PCLO: variants seen among roughly 807,000 people sequenced by gnomAD.
PCLO encodes the protein piccolo presynaptic cytomatrix protein.
PCLO carries 82 observed loss-of-function variants against 427.5 expected under a neutral mutation model. The observed-to-expected ratio is 0.19, with a 90% CI of 0.16 to 0.23. The LOEUF (loss-of-function observed/expected upper bound fraction) is 0.23, where lower values mean the gene tolerates loss of function less well. PCLO is among the 10% of genes least tolerant of loss of function. The pLI is 1.00. For missense variants in PCLO, 6,239 were observed against 6,115.9 expected (o/e 1.02, Z -0.67); for synonymous variants, 2,357 against 2,155.4 (o/e 1.09, Z -2.59).
Position 82,956,339 on chromosome 7 carries a change from A to G in PCLO, c.4614T>C (p.Ser1538=), listed in dbSNP as rs1318185039. The G allele has an allele frequency of 3.7e-6, 6 of 1,612,932 alleles. No homozygotes were observed. The African/African-American group carries it at 8.0e-5, about 22-fold the overall frequency. ...GGCTGTCTTCCTGTTTATACTCATC[A>G]CTGCTTGATGAGCCAACACTAGTTC... is the stretch of plus-strand genomic sequence containing the variant. ...KRRTSVGSSS[S]DEYKQEDSQG... The change falls in exon 5 of 25, where the codon AGT becomes AGC. Residue 1538 remains serine, a synonymous_variant. Coordinates refer to ENST00000333891, the MANE Select transcript of PCLO (RefSeq NM_033026.6).
At chr7:82,860,242 G>A (rs933368089) in intron 10 of PCLO, among the ~76,000 whole-genome samples, 5 of 151,750 alleles carry the variant, frequency 3.3e-5, no homozygotes, top group African/African-American at 1.2e-4. Flanking sequence ...GGGCCAAGCA[G>A]ATTTAACCCA....
intron 3 of PCLO, among the ~76,000 whole-genome samples, chr7:83,024,414 G>A (rs895005956): frequency 3.3e-5 from 5 of 152,186 alleles, no homozygotes; most frequent in South Asian, 2.1e-4. Context: ...AAAAAACGGC[G>A]CAGCACAAGA....
At chr7:82,891,748 G>A (rs1017590246) in intron 9 of PCLO, among the ~76,000 whole-genome samples, 6 of 151,960 alleles carry the variant, frequency 3.9e-5, no homozygotes, top group African/African-American at 7.2e-5. Flanking sequence ...ATCATGAAGC[G>A]CTGTTGAATT....
At chr7:82,762,761 T>G (rs528665157) in intron 22 of PCLO, among the ~76,000 whole-genome samples, 1 of 152,086 alleles carries the variant, frequency 6.6e-6, no homozygotes, top group South Asian at 2.1e-4. Context: ...CATGGCTTAA[T>G]AGAGGACAAC....
rs1161030427 is a variant in PCLO at position 83,037,989 on chromosome 7, TTATATATATATATATATATATA to T, written c.3301-71524_3301-71503del. Among the ~76,000 whole-genome samples, 27 of 13,596 alleles carry T rather than the reference TTATATATATATATATATATATA, an allele frequency of 2.0e-3. 5 individuals carry two copies. In the South Asian group the frequency reaches 0.061, roughly 31 times the overall value. 8.9% of individuals were successfully genotyped at this position (13,596 alleles called of 152,430 possible). A position where few individuals can be genotyped will look rare whatever the true frequency, so the allele number is the denominator to read the frequency against. ...GTTGTGTGGAGGTGTAAGGAGGAGCTTATATATATATATATATATATATATATATATATATATATATTTATAT... is the reference window on the plus strand; with the variant it reads ...GTTGTGTGGAGGTGTAAGGAGGAGCTTATATATATATATATATATTTATAT... On this transcript the variant is annotated intron_variant, in intron 3 of 24. Transcript: ENST00000333891.
At chr7:82,951,816 T>A in intron 5 of PCLO, 40 bp downstream of exon 5, 1 of 1,569,930 alleles carries the variant, frequency 6.4e-7, no homozygotes, top group African/African-American at 1.4e-5. Flanking sequence ...AACACCATAA[T>A]GATATTTCAA....
intron 9 of PCLO, among the ~76,000 whole-genome samples, chr7:82,892,951 T>C (rs1043821452): frequency 2.0e-5 from 3 of 152,122 alleles, no homozygotes; most frequent in East Asian, 3.9e-4. Flanking sequence ...TGTGGAGACA[T>C]AGGAACACTT....
intron 9 of PCLO, among the ~76,000 whole-genome samples, chr7:82,883,832 G>A (rs1469261887): frequency 1.3e-5 from 2 of 152,118 alleles, no homozygotes; most frequent in Non-Finnish European, 2.9e-5. Context: ...GTGCAGTGGT[G>A]CGATCTTGGC....
rs762277050 is a variant in PCLO at position 82,915,318 on chromosome 7, C to A, written c.12668G>T (p.Ser4223Ile). The change falls in exon 7 of 25, where the codon AGC (serine) becomes ATC (isoleucine). Residue 4223 changes from serine (S) to isoleucine (I), a missense_variant. Ser to Ile is a moderately radical substitution (Grantham distance 142). Coordinates refer to ENST00000333891, the MANE Select transcript of PCLO (RefSeq NM_033026.6). ...EPDYSSYMTS[S>I]TSSIGGISSR... is the part of the protein sequence containing the mutation. ...GGAAATGCCACCAATAGATGAAGTG[C>A]TAGAAGTCATATAGCTTGAATAATC... is the stretch of plus-strand genomic sequence containing the variant. 9.9e-6 allele frequency: 16 copies of A among 1,613,576 alleles called. No homozygotes were observed. The highest frequency in any genetic ancestry group is 1.2e-5 in the Non-Finnish European group (14 of 1,179,692).
At chr7:83,096,663 T>C (rs1790546026) in intron 3 of PCLO, among the ~76,000 whole-genome samples, 2 of 130,172 alleles carry the variant, frequency 1.5e-5, no homozygotes, top group African/African-American at 2.9e-5. Flanking sequence ...TAATTTGTCT[T>C]ATTTTGTCAA....
intron 15 of PCLO, 77 bp from the exon 16 acceptor site, chr7:82,835,770 A>T: frequency 9.3e-7 from 1 of 1,076,454 alleles, no homozygotes; most frequent in East Asian, 2.5e-5. Flanking sequence ...AGTTAGGAAC[A>T]GAAATAAGAA....
At chr7:83,150,255 T>A (rs893091466) in intron 2 of PCLO, among the ~76,000 whole-genome samples, 1 of 152,108 alleles carries the variant, frequency 6.6e-6, no homozygotes, top group East Asian at 1.9e-4. Flanking sequence ...AACGTTCAGG[T>A]TCTGTGTCAA....
chr7:82,993,433 T>A (rs1281251450), intron 3 of PCLO, among the ~76,000 whole-genome samples: 2 of 151,870 alleles, frequency 1.3e-5, no homozygotes, highest in African/African-American at 2.4e-5. Flanking sequence ...GGCATTTTTT[T>A]AAAAAAAGCC....
chr7:82,944,364 G>A (rs548855608), intron 6 of PCLO, among the ~76,000 whole-genome samples: 1 of 152,050 alleles, frequency 6.6e-6, no homozygotes, highest in South Asian at 2.1e-4. Context: ...CCTATTATGA[G>A]TCAGGTATCT....
rs1233665444 is a variant in PCLO, at chr7:82,952,242, T to C, written c.8711A>G (p.Lys2904Arg). The C allele has an allele frequency of 6.2e-7, 1 of 1,613,912 alleles. No homozygotes were observed. The highest frequency in any genetic ancestry group is 1.1e-5 in the South Asian group (1 of 91,088). Residue 2904 changes from lysine to arginine, a missense_variant, in exon 5 of 25, where the codon AAG (lysine) becomes AGG (arginine). Coordinates refer to ENST00000333891, the MANE Select transcript of PCLO (RefSeq NM_033026.6). The stretch of plus-strand genomic sequence containing the variant: ...CATTGTTACGACTGTTCTGTGAGAC[T>C]TGGTTGTACTGAGATCCACTACTTC... ...DGEVVDLSTT[K>R]SHRTVVTMDE...
At chr7:82,814,604 T>C (rs1791638957) in intron 20 of PCLO, among the ~76,000 whole-genome samples, 1 of 151,772 alleles carries the variant, frequency 6.6e-6, no homozygotes, top group African/African-American at 2.4e-5. Flanking sequence ...AACTTTATGT[T>C]ATGTAGGTTA....
chr7:82,849,512 A>G lies in PCLO; in HGVS notation c.13655-2265T>C, dbSNP rs187349983. 1.1e-4 allele frequency among the ~76,000 whole-genome samples: 16 copies of G among 152,312 alleles called. No individual in the cohort carries two copies. In the East Asian group the frequency reaches 2.7e-3, roughly 26 times the overall value. ...GGGAAGATGACCACTGAACACAGTC[A>G]TTTAATAATATTTTCCTTTTCTATT... On this transcript the variant is annotated intron_variant, in intron 10 of 24. Transcript: ENST00000333891.
intron 6 of PCLO, among the ~76,000 whole-genome samples, chr7:82,924,176 T>A (rs1237415660): frequency 6.6e-6 from 1 of 152,100 alleles, no homozygotes; most frequent in South Asian, 2.1e-4. Flanking sequence ...TAACTAGAAA[T>A]TAAATAGTGC....
intron 1 of PCLO, 58 bp downstream of exon 1, chr7:83,162,287 A>G (rs1045922562): frequency 5.3e-6 from 8 of 1,511,582 alleles, no homozygotes; most frequent in Non-Finnish European, 6.2e-6. Context: ...AGGCTGGCAC[A>G]TATGTGCACG....
Sources: allele counts gnomAD v4.1 joint callset (sites outside exome capture counted in the v4.1 genomes callset), GRCh38; gene constraint gnomAD v4.1.1; transcripts MANE v1.5; gene names NCBI Gene and HGNC (gene_info 2026-07-23, HGNC 2026-07-21).